The following FAM234A variants were observed in gnomAD, a reference collection of about 807,000 sequenced individuals.
FAM234A encodes family with sequence similarity 234 member A.
A neutral mutation model predicts 49.1 loss-of-function variants in FAM234A; 42 were observed. The ratio of observed to expected loss-of-function variants is 0.86; its 90% CI spans 0.67 to 1.11. The LOEUF is 1.11. FAM234A is among the 50% of genes least tolerant of loss of function. FAM234A has a pLI of 0.00. For synonymous variants in FAM234A, 369 were observed against 316.2 expected (o/e 1.17, Z -1.77); for missense variants, 815 against 745.2 (o/e 1.09, Z -1.09).
chr16:247,585 C>G (rs2050857862), intron 1 of FAM234A, among the ~76,000 whole-genome samples: 1 of 151,818 alleles, frequency 6.6e-6, no homozygotes, highest in Admixed American at 6.6e-5. Flanking sequence ...GTGCCCGCCA[C>G]CACGCCCGAC....
chr16:264,610 C>T lies in FAM234A; in HGVS notation c.1345-4C>T, dbSNP rs1025498555. Reference sequence around the variant, plus strand: ...GTGGGGCCCATTGCTGGTTCTCGCTCCAGGAGACCGGGGAGGCCCGGCACA... The same window carrying T: ...GTGGGGCCCATTGCTGGTTCTCGCTTCAGGAGACCGGGGAGGCCCGGCACA... On this transcript the variant is annotated splice_region_variant and splice_polypyrimidine_tract_variant and intron_variant, in intron 11 of 12. Transcript: ENST00000399932. 4.4e-6 allele frequency: 7 copies of T among 1,605,098 alleles called. No individual in the cohort carries two copies. Among genetic ancestry groups the T allele is most frequent in the Non-Finnish European group, 6.0e-6 (7 of 1,175,478 alleles).
chr16:259,806 T>G (rs2051384604), intron 4 of FAM234A, among the ~76,000 whole-genome samples, 163 bp from the exon 5 acceptor site: 1 of 152,086 alleles, frequency 6.6e-6, no homozygotes, highest in Non-Finnish European at 1.5e-5. Flanking sequence ...GGGTCAGCAT[T>G]AGAGCCCCGG....
intron 3 of FAM234A, among the ~76,000 whole-genome samples, chr16:256,444 G>A (rs1351014540): frequency 1.3e-5 from 2 of 152,030 alleles, no homozygotes; most frequent in Non-Finnish European, 2.9e-5. Flanking sequence ...CCCTCTTTTC[G>A]TGTGAGTTTT....
intron 5 of FAM234A, chr16:261,145 G>T: frequency 2.2e-6 from 1 of 453,692 alleles, no homozygotes; most frequent in Non-Finnish European, 4.0e-6. Flanking sequence ...TTGGCATATT[G>T]CCACCGAGTC....
At chr16:245,448 TG>T (rs564241599) in intron 1 of FAM234A, among the ~76,000 whole-genome samples, 17 of 152,216 alleles carry the variant, frequency 1.1e-4, no homozygotes, top group Non-Finnish European at 2.2e-4. Context: ...GCCACTGGCG[TG>T]TGCTCTTCAG....
At chr16:254,925 A>G (rs906236676) in intron 3 of FAM234A, among the ~76,000 whole-genome samples, 14 of 152,250 alleles carry the variant, frequency 9.2e-5, no homozygotes, top group African/African-American at 3.1e-4. Flanking sequence ...GCACAATCTC[A>G]GCTCACCGCT....
At chr16:269,291 C>A (rs775263272), downstream of FAM234A, 2 of 1,579,610 alleles carry the variant, frequency 1.3e-6, no homozygotes, top group Non-Finnish European at 1.7e-6. Context: ...ATCTCCACCC[C>A]CAGGGCCACA....
chr16:264,916 A>G lies in FAM234A; in HGVS notation c.1553A>G (p.Asp518Gly), dbSNP rs1282074835. The change falls in exon 13 of 13, where the codon GAC becomes GGC. Residue 518 changes from aspartate to glycine, a missense_variant. Physicochemically the swap from Asp to Gly is moderately conservative, Grantham distance 94. Coordinates refer to ENST00000399932, the MANE Select transcript of FAM234A (RefSeq NM_032039.4). The stretch of plus-strand genomic sequence containing the variant: ...TCTGTGATCAAGCACAAGGTGCGGG[A>G]CCTTGTCCCAAGCAGCAGGGTGGTC... ...LVSVIKHKVRDLVPSSRVVRL... is the reference protein window; with the variant it reads ...LVSVIKHKVRGLVPSSRVVRL... 1 of 1,612,978 alleles carries G rather than the reference A, an allele frequency of 6.2e-7. No individual in the cohort carries two copies. The highest frequency in any genetic ancestry group is 1.1e-5 in the South Asian group (1 of 91,076).
chr16:240,109 T>C (rs1385890861), intron 1 of FAM234A: 1 of 152,192 alleles, frequency 6.6e-6, no homozygotes, highest in Admixed American at 6.5e-5. Context: ...TGCTGTCAAA[T>C]GCCCAGCGTG....
At chr16:247,981 T>G (rs967116646) in intron 1 of FAM234A, among the ~76,000 whole-genome samples, 7 of 152,080 alleles carry the variant, frequency 4.6e-5, no homozygotes, top group Non-Finnish European at 7.3e-5. Context: ...TGGAGCCCAG[T>G]GCTGGGTTCA....
chr16:259,194 C>G (rs1173779120), intron 3 of FAM234A, among the ~76,000 whole-genome samples: 1 of 152,168 alleles, frequency 6.6e-6, no homozygotes, highest in African/African-American at 2.4e-5. Flanking sequence ...TAGATGCCCC[C>G]TGGTCTAGGG....
chr16:255,090 G>A (rs1362264774), intron 3 of FAM234A, among the ~76,000 whole-genome samples: 3 of 152,100 alleles, frequency 2.0e-5, no homozygotes, highest in African/African-American at 4.8e-5. Context: ...TCCTGAGCTC[G>A]TGATCCGCCC....
chr16:264,659 C>G lies in FAM234A; in HGVS notation c.1390C>G (p.Leu464Val), dbSNP rs184542610. Reference sequence around the variant, plus strand: ...CAGCCTGTACATGTTCCACCCCACCCTGCCGCGCGTGCTGCTGGAGCTGGC... The same window carrying G: ...CAGCCTGTACATGTTCCACCCCACCGTGCCGCGCGTGCTGCTGGAGCTGGC... ...RHSLYMFHPT[L>V]PRVLLELANV... The change falls in exon 12 of 13, where the codon CTG becomes GTG. Residue 464 changes from leucine (L) to valine (V), a missense_variant. By Grantham distance (32) the Leu-to-Val change is conservative. Coordinates refer to ENST00000399932, the MANE Select transcript of FAM234A (RefSeq NM_032039.4). The G allele has an allele frequency of 1.3e-4, 214 of 1,612,068 alleles. 1 individual carries two copies. In the African/African-American group the frequency reaches 1.8e-3, roughly 13 times the overall value.
At chr16:239,944 G>T (rs912538598) in intron 1 of FAM234A, among the ~76,000 whole-genome samples, 1 of 152,136 alleles carries the variant, frequency 6.6e-6, no homozygotes, top group Non-Finnish European at 1.5e-5. Context: ...TTATGGGCCT[G>T]TTCTTTGTCT....
rs1290936270 is a variant in FAM234A, at chr16:254,692, G to A, written c.268+11G>A. 6.2e-7 allele frequency: 1 copy of A among 1,612,518 alleles called. No homozygotes were observed. The highest frequency in any genetic ancestry group is 1.7e-5 in the Admixed American group (1 of 59,908). On this transcript the variant is annotated intron_variant, in intron 3 of 12. Coordinates refer to ENST00000399932, the MANE Select transcript of FAM234A (RefSeq NM_032039.4). ...ACTACAGTGCCGCTGGTGAGCCTCG[G>A]CTTCCCCGCCCAGTGGGGTCCAAAG...
chr16:254,787 A>G (rs116489336), intron 3 of FAM234A, 106 bp downstream of exon 3: 2 of 1,192,650 alleles, frequency 1.7e-6, no homozygotes, highest in Non-Finnish European at 1.2e-6. Flanking sequence ...GCCTTTAAAC[A>G]GTGAATCAAT....
downstream of FAM234A, chr16:269,957 C>T (rs1013212310): frequency 1.4e-5 from 3 of 212,308 alleles, no homozygotes; most frequent in African/African-American, 7.0e-5. Context: ...GTGGCTCACG[C>T]CTGTGATCCC....
Position 262,313 on chromosome 16 carries a change from G to A in FAM234A, c.841+88G>A, listed in dbSNP as rs536474460. 6 of 1,573,564 alleles carry A rather than the reference G, an allele frequency of 3.8e-6. No homozygotes were observed. In the South Asian group the frequency reaches 7.1e-5, roughly 19 times the overall value. ...CCTCAGGTCCTGCTTCTGCTCTCGA[G>A]GTGCTGGAGTCAGGAAGCCCAGGGG... On this transcript the variant is annotated intron_variant, in intron 7 of 12. Transcript: ENST00000399932.
intron 2 of FAM234A, among the ~76,000 whole-genome samples, chr16:251,889 G>A (rs2051029238): frequency 1.3e-5 from 2 of 150,506 alleles, no homozygotes; most frequent in African/African-American, 4.9e-5. Flanking sequence ...CATAGTCCCA[G>A]CTATTCGGGA....
Sources: gnomAD v4.1 joint callset for allele counts (sites outside exome capture counted in the v4.1 genomes callset) on GRCh38, gnomAD v4.1.1 for gene constraint, MANE v1.5 for transcripts, NCBI Gene and HGNC (gene_info 2026-07-23, HGNC 2026-07-21) for gene names.